The following CES5A variants were observed in gnomAD, a reference collection of about 807,000 sequenced individuals.
CES5A encodes the protein carboxylesterase 5A.
In CES5A, 67 loss-of-function variants were observed where a neutral mutation model predicts 62.9. That is an observed-to-expected ratio of 1.07 (90% CI 0.88 to 1.31). CES5A has a LOEUF of 1.31. Among genes scored for constraint, CES5A ranks in the 50% most tolerant of loss-of-function variants. CES5A has a pLI of 0.00. For synonymous variants in CES5A, 296 were observed against 280.8 expected, an observed-to-expected ratio of 1.05 and a Z score of -0.54; for missense variants, 748 against 708.5, an observed-to-expected ratio of 1.06 and a Z score of -0.63.
intron 2 of CES5A, among the ~76,000 whole-genome samples, chr16:55,946,774 T>A (rs1398437643): frequency 2.6e-5 from 4 of 152,252 alleles, no homozygotes; most frequent in African/African-American, 9.6e-5. Flanking sequence ...GCAGCTCTGC[T>A]GATCTCACTT....
intron 8 of CES5A, among the ~76,000 whole-genome samples, chr16:55,858,988 G>C (rs1369062633): frequency 6.6e-6 from 1 of 151,988 alleles, no homozygotes; most frequent in Non-Finnish European, 1.5e-5. Flanking sequence ...TCTCAATCTC[G>C]TGTCTTATCT....
At chr16:55,942,442 T>C (rs181718544) in intron 2 of CES5A, among the ~76,000 whole-genome samples, 3 of 152,326 alleles carry the variant, frequency 2.0e-5, no homozygotes, top group East Asian at 3.9e-4. Flanking sequence ...AAGATACACA[T>C]ATAGCTAATA....
chr16:55,847,976 C>G (rs911452246), intron 11 of CES5A, among the ~76,000 whole-genome samples: 4 of 152,168 alleles, frequency 2.6e-5, no homozygotes, highest in African/African-American at 9.7e-5. Context: ...GTGGCATGAT[C>G]ATAGCTCACC....
At chr16:55,896,516 ACTT>A (rs1332511624) in intron 1 of CES5A, among the ~76,000 whole-genome samples, 1 of 152,152 alleles carries the variant, frequency 6.6e-6, no homozygotes, top group African/African-American at 2.4e-5. Flanking sequence ...AGCCAAATAA[ACTT>A]CTTTTCTTTA....
intron 2 of CES5A, among the ~76,000 whole-genome samples, chr16:55,946,005 G>A (rs2034490913): frequency 6.6e-6 from 1 of 152,088 alleles, no homozygotes; most frequent in Admixed American, 6.5e-5. Flanking sequence ...AAGGCACTTA[G>A]GCTCTTAAGG....
At chr16:55,912,065 GGC>G (rs1298023250) in intron 1 of CES5A, among the ~76,000 whole-genome samples, 2 of 152,200 alleles carry the variant, frequency 1.3e-5, no homozygotes, top group African/African-American at 4.8e-5. Context: ...TCAGCTCACA[GGC>G]CTTGTATCAA....
intron 2 of CES5A, among the ~76,000 whole-genome samples, chr16:55,943,012 G>T (rs1348307555): frequency 6.6e-6 from 1 of 152,146 alleles, no homozygotes; most frequent in African/African-American, 2.4e-5. Flanking sequence ...GGGCTTGGAA[G>T]GTTGGCTACA....
rs183957283 is a variant in CES5A at position 55,873,998 on chromosome 16, C to T, written c.113G>A (p.Gly38Glu). Residue 38 changes from glycine (G) to glutamate (E), a missense_variant, in exon 2 of 13, where the codon GGA (glycine) becomes GAA (glutamate). By Grantham distance (98) the Gly-to-Glu change is moderately conservative (BLOSUM62 -2). Coordinates refer to ENST00000290567, the MANE Select transcript of CES5A (RefSeq NM_001143685.2). ...AGTGACTTGCTTGCCCTGAATCCAT[C>T]CCAGCCTGGTGTTCCTCTGTGGCCC... ...AEGPQRNTRL[G>E]WIQGKQVTVL... 1 of 1,610,976 alleles carries T rather than the reference C, an allele frequency of 6.2e-7. No individual in the cohort carries two copies. The highest frequency in any genetic ancestry group is 8.5e-7 in the Non-Finnish European group (1 of 1,178,994).
intron 6 of CES5A, 97 bp downstream of exon 6, chr16:55,863,251 T>TC: frequency 1.3e-6 from 1 of 758,532 alleles, no homozygotes; most frequent in South Asian, 1.5e-5. Flanking sequence ...TTGGGCATGG[T>TC]CACTAAGGAA....
At chr16:55,897,548 A>G (rs1199668868) in intron 1 of CES5A, among the ~76,000 whole-genome samples, 1 of 152,188 alleles carries the variant, frequency 6.6e-6, no homozygotes, top group Non-Finnish European at 1.5e-5. Flanking sequence ...AGAGATGACC[A>G]GGCAAGAGCC....
At chr16:55,860,355 G>T (rs1338052313) in intron 7 of CES5A, among the ~76,000 whole-genome samples, 1 of 152,178 alleles carries the variant, frequency 6.6e-6, no homozygotes, top group Admixed American at 6.5e-5. Context: ...TCAAAGTGTG[G>T]TTCCTAGACC....
At chr16:55,937,110 C>T (rs1434786516) in intron 2 of CES5A, among the ~76,000 whole-genome samples, 2 of 152,140 alleles carry the variant, frequency 1.3e-5, no homozygotes, top group African/African-American at 2.4e-5. Flanking sequence ...CTGGGATTTC[C>T]GTATGTGCTT....
At chr16:55,877,352 A>G (rs1212918460), upstream of CES5A, among the ~76,000 whole-genome samples, 1 of 152,172 alleles carries the variant, frequency 6.6e-6, no homozygotes, top group East Asian at 1.9e-4. Flanking sequence ...TTAACCAGAG[A>G]GGCGAAGAAT....
At position 55,869,631 on chromosome 16, in the gene CES5A, T is replaced by G; in HGVS notation, c.531A>C (p.Leu177=). 4.3e-6 allele frequency: 7 copies of G among 1,613,930 alleles called. No individual in the cohort carries two copies. Among genetic ancestry groups the G allele is most frequent in the Non-Finnish European group, 5.9e-6 (7 of 1,179,952 alleles). ...DVLVVVVQYR[L]GIFGFFTTWD... is the part of the protein sequence containing the mutation. ...CTCACGTGAAGAAACCAAATATTCC[T>G]AGCCGGTACTGGACGACCACAACCA... The change falls in exon 4 of 13, where the codon CTA becomes CTC. Residue 177 remains leucine (L), a synonymous_variant. Transcript: ENST00000290567.
chr16:55,919,011 C>G (rs976146054), intron 1 of CES5A, among the ~76,000 whole-genome samples: 1 of 152,220 alleles, frequency 6.6e-6, no homozygotes, highest in African/African-American at 2.4e-5. Flanking sequence ...TCTTATGGGG[C>G]AGATTTCATC....
At chr16:55,878,787 A>G (rs2033726960), upstream of CES5A, among the ~76,000 whole-genome samples, 1 of 139,648 alleles carries the variant, frequency 7.2e-6, no homozygotes, top group Non-Finnish European at 1.5e-5. Flanking sequence ...CTCCACCATT[A>G]ACCCATCGCT....
intron 11 of CES5A, among the ~76,000 whole-genome samples, chr16:55,847,280 C>T (rs2033034584): frequency 6.7e-6 from 1 of 148,234 alleles, no homozygotes; most frequent in Non-Finnish European, 1.5e-5. Context: ...TCTTCCTTCC[C>T]TCTCTCTCTT....
chr16:55,884,908 T>C (rs1217292005), intron 1 of CES5A, among the ~76,000 whole-genome samples: 3 of 152,162 alleles, frequency 2.0e-5, no homozygotes, highest in African/African-American at 7.2e-5. Context: ...CTAAACTTCT[T>C]AGTGATACTC....
chr16:55,932,010 A>T (rs1186667207), intron 2 of CES5A, among the ~76,000 whole-genome samples: 1 of 152,240 alleles, frequency 6.6e-6, no homozygotes, highest in Non-Finnish European at 1.5e-5. Context: ...CATGAGGGCT[A>T]TGCCTTCATA....
Sources: allele counts gnomAD v4.1 joint callset (sites outside exome capture counted in the v4.1 genomes callset), GRCh38; gene constraint gnomAD v4.1.1; transcripts MANE v1.5; gene names NCBI Gene and HGNC (gene_info 2026-07-23, HGNC 2026-07-21).